The following PICALM variants were observed in gnomAD, a reference collection of about 807,000 sequenced individuals.
PICALM encodes phosphatidylinositol binding clathrin assembly protein.
A neutral mutation model predicts 80.5 loss-of-function variants in PICALM; 40 were observed. The ratio of observed to expected loss-of-function variants is 0.50; its 90% confidence interval spans 0.39 to 0.65. The LOEUF is 0.65. Among genes scored for constraint, PICALM ranks in the 30% least tolerant of loss-of-function variants. PICALM has a pLI of 0.00. For synonymous variants in PICALM, 288 were observed against 260.3 expected (o/e 1.11, Z -1.02); for missense variants, 676 against 778.9 (o/e 0.87, Z 1.57).
In PICALM at chr11:85,981,863, A is replaced by T; in HGVS notation, c.1648+9T>A. The T allele has an allele frequency of 6.2e-7, 1 of 1,613,456 alleles. No homozygotes were observed. On this transcript the variant is annotated intron_variant, in intron 15 of 19. Coordinates refer to ENST00000393346, the MANE Select transcript of PICALM (RefSeq NM_007166.4). ...TAAAAGAAGATTAACGTATCCAAAG[A>T]CTACTTACTGCCCACAAGGTTGGCT...
At chr11:85,972,813 A>C (rs979125497) in intron 19 of PICALM, among the ~76,000 whole-genome samples, 6 of 152,206 alleles carry the variant, frequency 3.9e-5, no homozygotes, top group African/African-American at 1.4e-4. Flanking sequence ...ACAAATAACA[A>C]AATAAAAAAC....
intron 19 of PICALM, among the ~76,000 whole-genome samples, chr11:85,973,568 T>G (rs2135530733): frequency 6.6e-6 from 1 of 152,304 alleles, no homozygotes; most frequent in South Asian, 2.1e-4. Flanking sequence ...ATCAGAGGTA[T>G]GTATGTATAG....
At chr11:86,056,860 T>TA (rs2096277446) in intron 1 of PICALM, among the ~76,000 whole-genome samples, 1 of 152,228 alleles carries the variant, frequency 6.6e-6, no homozygotes. Flanking sequence ...AAAGTACTGA[T>TA]ATGTGCTACA....
In PICALM at chr11:85,965,872, A is replaced by G. The variant is rs2093876763; in HGVS notation, c.1945-6812T>C. On this transcript the variant is annotated intron_variant, in intron 19 of 19. Coordinates refer to ENST00000393346, the MANE Select transcript of PICALM (RefSeq NM_007166.4). ...CTCTCTGTCGCCCAGGCTGGAGTACAGTGGTGCGATCTCAGCTCACTGCAA... is the reference window on the plus strand; with the variant it reads ...CTCTCTGTCGCCCAGGCTGGAGTACGGTGGTGCGATCTCAGCTCACTGCAA... Among the ~76,000 whole-genome samples the G allele has an allele frequency of 2.3e-5, 3 of 131,618 alleles. No homozygotes were observed. The South Asian group carries it at 7.4e-4, about 32-fold the overall frequency. 86.3% of individuals were successfully genotyped at this position (131,618 alleles called of 152,430 possible).
At chr11:86,045,936 C>A (rs1329558081) in intron 1 of PICALM, among the ~76,000 whole-genome samples, 1 of 152,200 alleles carries the variant, frequency 6.6e-6, no homozygotes, top group Non-Finnish European at 1.5e-5. Context: ...TCAAGTTAAT[C>A]TCTTCCTAAA....
chr11:86,050,056 T>C (rs2096154444), intron 1 of PICALM, among the ~76,000 whole-genome samples: 1 of 151,506 alleles, frequency 6.6e-6, no homozygotes, highest in South Asian at 2.1e-4. Flanking sequence ...AATACAAAAA[T>C]TAGCCAGGCG....
rs11828355 is a variant in PICALM at position 86,003,178 on chromosome 11, A to G, written c.893+188T>C. Among the ~76,000 whole-genome samples the G allele has an allele frequency of 7.9e-3, 1,206 of 152,350 alleles. 16 individuals are homozygous for G. Among genetic ancestry groups the G allele is most frequent in the African/African-American group, 0.027 (1,128 of 41,586 alleles). ...TTTATTGAAGGTCAGAAACAATTTC[A>G]AGAATTTGCATGTATTAATCCATTT... On this transcript the variant is annotated intron_variant, in intron 9 of 19. Coordinates refer to ENST00000393346, the MANE Select transcript of PICALM (RefSeq NM_007166.4).
intron 1 of PICALM, among the ~76,000 whole-genome samples, chr11:86,045,927 C>T (rs2096065085): frequency 6.6e-6 from 1 of 152,204 alleles, no homozygotes; most frequent in Non-Finnish European, 1.5e-5. Context: ...CACAGCTTTT[C>T]AAGTTAATCT....
intron 19 of PICALM, among the ~76,000 whole-genome samples, chr11:85,971,401 A>G (rs988926519): frequency 2.0e-5 from 3 of 152,032 alleles, no homozygotes; most frequent in Admixed American, 1.3e-4. Flanking sequence ...TGAAACGGTT[A>G]TGTGGGTTTT....
intron 1 of PICALM, among the ~76,000 whole-genome samples, chr11:86,066,675 G>A (rs960562236): frequency 4.9e-4 from 74 of 150,282 alleles, no homozygotes; most frequent in African/African-American, 1.8e-3. Context: ...AAGCCTTATC[G>A]ATTCTTATTT....
intron 19 of PICALM, among the ~76,000 whole-genome samples, chr11:85,972,965 A>G (rs1386126114): frequency 6.6e-6 from 1 of 152,240 alleles, no homozygotes; most frequent in East Asian, 1.9e-4. Flanking sequence ...AACAATTACT[A>G]TAAATACTGT....
chr11:85,990,546 A>G, intron 12 of PICALM, 147 bp from the exon 13 acceptor site: 1 of 412,652 alleles, frequency 2.4e-6, no homozygotes, highest in Non-Finnish European at 4.2e-6. Context: ...AACAAAAAAT[A>G]CCTAATCATC....
chr11:85,998,943 A>AT (rs2095060286), intron 11 of PICALM, among the ~76,000 whole-genome samples: 1 of 152,202 alleles, frequency 6.6e-6, no homozygotes, highest in African/African-American at 2.4e-5. Flanking sequence ...TAACTTATAT[A>AT]TTCTCCAAAA....
Position 86,050,204 on chromosome 11 carries a change from C to CAAAAAA in PICALM, c.130+18441_130+18446dup, listed in dbSNP as rs766728047. 6.0e-3 allele frequency among the ~76,000 whole-genome samples: 494 copies of CAAAAAA among 81,742 alleles called. 12 individuals are homozygous for CAAAAAA. The highest frequency in any genetic ancestry group is 0.02 in the African/African-American group (381 of 18,808). 53.6% of individuals were successfully genotyped at this position (81,742 alleles called of 152,430 possible). On this transcript the variant is annotated intron_variant, in intron 1 of 19. Transcript: ENST00000393346. ...TGGGCAACAGAGCAAGACTCTGTCT[C>CAAAAAA]AAAAAAAAAAAAAAAAAAAAACTAT...
rs1276734217 is a variant in PICALM at position 86,026,307 on chromosome 11, T to C, written c.334A>G (p.Lys112Glu). 1 of 1,589,934 alleles carries C rather than the reference T, an allele frequency of 6.3e-7. No homozygotes were observed. The highest frequency in any genetic ancestry group is 1.3e-5 in the African/African-American group (1 of 74,484). Residue 112 changes from lysine (K) to glutamate (E), a missense_variant, in exon 3 of 20, where the codon AAA (lysine) becomes GAA (glutamate). Around this residue, in one of 2 missense-constraint regions of PICALM, gnomAD observed 285 missense variants for 395.4 expected, o/e 0.72. Coordinates refer to ENST00000393346, the MANE Select transcript of PICALM (RefSeq NM_007166.4). ...TTATCTTTACCTTGCAATCCACTTT[T>C]ATCCAAAAAATTGCTTAAGTTAAAC... ...TLFNLSNFLDKSGLQGYDMST... is the reference protein window; with the variant it reads ...TLFNLSNFLDESGLQGYDMST...
At chr11:86,034,908 G>A (rs2095814775) in intron 1 of PICALM, among the ~76,000 whole-genome samples, 2 of 152,160 alleles carry the variant, frequency 1.3e-5, no homozygotes, top group Non-Finnish European at 2.9e-5. Context: ...TAAAGCTGAT[G>A]TTAACTGTAT....
chr11:85,974,609 T>G, intron 19 of PICALM, 99 bp downstream of exon 19: 1 of 790,148 alleles, frequency 1.3e-6, no homozygotes, highest in South Asian at 1.4e-5. Context: ...AGGTAGAAAG[T>G]GCTAGTAACT....
rs778561356 is a variant in PICALM, at chr11:85,981,942, A to C, written c.1578T>G (p.Pro526=). 1.2e-6 allele frequency: 2 copies of C among 1,613,362 alleles called. No homozygotes were observed. The highest frequency in any genetic ancestry group is 1.7e-6 in the Non-Finnish European group (2 of 1,179,230). The part of the protein sequence containing the change: ...PTVASQNQNL[P]VAKLPPSKLV... ...ACTTGCTAGGTGGGAGTTTGGCAAC[A>C]GGAAGGTTCTGGTTCTGAGAGGCCA... Residue 526 remains proline (P), a synonymous_variant, in exon 15 of 20, where the codon CCT becomes CCG. Transcript: ENST00000393346.
At position 85,981,864 on chromosome 11, in the gene PICALM, C is replaced by T. The variant is rs765675771; in HGVS notation, c.1648+8G>A. 3.1e-6 allele frequency: 5 copies of T among 1,613,514 alleles called. No homozygotes were observed. The highest frequency in any genetic ancestry group is 4.2e-6 in the Non-Finnish European group (5 of 1,179,470). On this transcript the variant is annotated splice_region_variant and intron_variant, in intron 15 of 19. Transcript: ENST00000393346. ...AAAAGAAGATTAACGTATCCAAAGA[C>T]TACTTACTGCCCACAAGGTTGGCTA...
Sources: gnomAD v4.1 joint callset for allele counts (sites outside exome capture counted in the v4.1 genomes callset) on GRCh38, gnomAD v4.1.1 for gene constraint, gnomAD v4.1.1 regional missense constraint, MANE v1.5 for transcripts, NCBI Gene and HGNC (gene_info 2026-07-23, HGNC 2026-07-21) for gene names.